The following ACYP2 variants were observed in gnomAD, a reference collection of about 807,000 sequenced individuals.
ACYP2 encodes the protein acylphosphatase 2.
In ACYP2, 12 loss-of-function variants were observed where a neutral mutation model predicts 11.2. The observed-to-expected ratio is 1.08, with a 90% CI of 0.69 to 1.74. The LOEUF is 1.74. ACYP2 is among the 40% of genes most tolerant of loss of function. The probability of loss-of-function intolerance (pLI) is 0.00; values close to 1 mark genes in which losing one functional copy is unlikely to be tolerated. For synonymous variants in ACYP2, 43 were observed against 32.2 expected (o/e 1.33, Z -1.13); for missense variants, 134 against 101.9 (o/e 1.31, Z -1.35).
chr2:54,304,758 A>G lies in ACYP2; in HGVS notation c.475A>G (p.Thr159Ala), dbSNP rs755141109. The G allele has an allele frequency of 1.9e-6, 3 of 1,611,872 alleles. No homozygotes were observed. Among genetic ancestry groups the G allele is most frequent in the Non-Finnish European group, 2.5e-6 (3 of 1,179,464 alleles). Residue 159 changes from threonine (T) to alanine (A), a missense_variant, in exon 7 of 7, where the codon ACC becomes GCC. Physicochemically the swap from Thr to Ala is moderately conservative, Grantham distance 58 (BLOSUM62 0). Transcript: ENST00000607452. ...CCGCACAAACTTTTCTAATGAAAAA[A>G]CCATCTCTAAGCTTGAATACTCTAA...
rs1453971498 is a variant in ACYP2, at chr2:54,051,540, TA to T, written c.155+494del. The T allele has an allele frequency of 1.2e-5, 9 of 734,284 alleles. No homozygotes were observed. In the Admixed American group the frequency reaches 1.5e-4, roughly 12 times the overall value. 45.5% of individuals were successfully genotyped at this position (734,284 alleles called of 1,614,324 possible). A position where few individuals can be genotyped will look rare whatever the true frequency, so the allele number is the denominator to read the frequency against. On this transcript the variant is annotated intron_variant, in intron 3 of 6. Coordinates refer to ENST00000607452, the MANE Select transcript of ACYP2 (RefSeq NM_001320586.2). ...TTCTGTTCTGAGAATTGCCCAAAAA[TA>T]AAAGGAGATCATCTTGGCCTGTCCA... is the stretch of plus-strand genomic sequence containing the variant.
At chr2:54,145,519 A>G (rs1223743206) in intron 6 of ACYP2, among the ~76,000 whole-genome samples, 3 of 152,002 alleles carry the variant, frequency 2.0e-5, no homozygotes, top group Non-Finnish European at 4.4e-5. Context: ...CACATACATG[A>G]ATAGAGAAAA....
At chr2:53,987,888 G>A (rs772154795) in intron 2 of ACYP2, among the ~76,000 whole-genome samples, 1 of 151,934 alleles carries the variant, frequency 6.6e-6, no homozygotes, top group Non-Finnish European at 1.5e-5. Flanking sequence ...TTTAACTGTT[G>A]AGTTTTGGGA....
intron 2 of ACYP2, among the ~76,000 whole-genome samples, chr2:54,041,652 T>A (rs901429347): frequency 1.3e-5 from 2 of 152,226 alleles, no homozygotes; most frequent in South Asian, 2.1e-4. Flanking sequence ...CAAAGGTTAT[T>A]GTTTATTCAA....
chr2:54,259,426 T>G (rs1687687548), intron 6 of ACYP2, among the ~76,000 whole-genome samples: 1 of 151,958 alleles, frequency 6.6e-6, no homozygotes, highest in South Asian at 2.1e-4. Context: ...TCCAAAAGTA[T>G]AAGGTCAAGA....
chr2:54,266,081 T>C (rs532201274), intron 6 of ACYP2, among the ~76,000 whole-genome samples: 106 of 152,318 alleles, frequency 7.0e-4, no homozygotes, highest in East Asian at 1.9e-3. Flanking sequence ...CTGACATAAG[T>C]AACTCTCTAA....
At chr2:54,238,521 T>C (rs1460460170) in intron 6 of ACYP2, among the ~76,000 whole-genome samples, 1 of 152,186 alleles carries the variant, frequency 6.6e-6, no homozygotes, top group Non-Finnish European at 1.5e-5. Flanking sequence ...TATTTTAATC[T>C]TTCGAATGTA....
chr2:54,041,305 A>G (rs1338319144), intron 2 of ACYP2, among the ~76,000 whole-genome samples: 1 of 152,116 alleles, frequency 6.6e-6, no homozygotes, highest in African/African-American at 2.4e-5. Flanking sequence ...AAGGAAGCCC[A>G]GAATATGGGC....
chr2:54,056,286 C>T (rs1031243119), intron 3 of ACYP2, among the ~76,000 whole-genome samples: 4 of 152,180 alleles, frequency 2.6e-5, no homozygotes, highest in East Asian at 1.9e-4. Flanking sequence ...TCACCATTCA[C>T]GGCCTGGTGA....
chr2:54,287,978 A>G (rs1343852923), intron 6 of ACYP2, among the ~76,000 whole-genome samples: 1 of 151,978 alleles, frequency 6.6e-6, no homozygotes, highest in Non-Finnish European at 1.5e-5. Flanking sequence ...CTTGGAGAAC[A>G]TAATGACCCT....
intron 6 of ACYP2, among the ~76,000 whole-genome samples, chr2:54,231,258 C>G (rs56042969): frequency 0.23 from 35,167 of 152,142 alleles, 4,273 homozygotes; most frequent in East Asian, 0.33. Context: ...GTGTCACAGG[C>G]TGTGGTCACT....
intron 6 of ACYP2, among the ~76,000 whole-genome samples, chr2:54,303,077 C>A (rs917970961): frequency 6.6e-6 from 1 of 152,090 alleles, no homozygotes; most frequent in Non-Finnish European, 1.5e-5. Flanking sequence ...AGTGCTTGGC[C>A]AGTCATGGTG....
rs142067401 is a variant in ACYP2, at chr2:54,104,478, T to C, written c.278-30975T>C. On this transcript the variant is annotated intron_variant, in intron 4 of 6. Transcript: ENST00000607452. Reference sequence around the variant, plus strand: ...AGCTCAAGTCCTTTTGTCACCTTTGTAAAGAACTTTTCCAGGTTTTGTTAA... The same window carrying C: ...AGCTCAAGTCCTTTTGTCACCTTTGCAAAGAACTTTTCCAGGTTTTGTTAA... Among the ~76,000 whole-genome samples the C allele has an allele frequency of 4.5e-3, 682 of 152,338 alleles. 9 individuals are homozygous for C. Among genetic ancestry groups the C allele is most frequent in the African/African-American group, 0.016 (648 of 41,582 alleles).
chr2:54,214,565 T>C (rs1012727011), intron 6 of ACYP2, among the ~76,000 whole-genome samples: 2 of 152,222 alleles, frequency 1.3e-5, no homozygotes, highest in African/African-American at 2.4e-5. Flanking sequence ...TGTGGCTTTA[T>C]TTCTGGGTTC....
Position 53,973,895 on chromosome 2 carries a change from GTGTGTGTA to G in ACYP2, c.62+87_62+94del, listed in dbSNP as rs1449134714. On this transcript the variant is annotated intron_variant, in intron 2 of 6. Transcript: ENST00000607452. ...TGTGTGTGTGTGTGTGTGTGTGTGTGTGTGTGTATATATTTTTTTTTTTTTTTTTTTTT... is the reference window on the plus strand; with the variant it reads ...TGTGTGTGTGTGTGTGTGTGTGTGTGTATATTTTTTTTTTTTTTTTTTTTT... 142 of 62,250 alleles carry G rather than the reference GTGTGTGTA, an allele frequency of 2.3e-3. 5 individuals are homozygous for G. The highest frequency in any genetic ancestry group is 7.5e-3 in the Middle Eastern group (1 of 134). The allele number at this position is 62,250 out of a possible 1,614,324, so 3.9% of individuals were successfully genotyped here.
chr2:54,241,572 A>G (rs1266674003), intron 6 of ACYP2, among the ~76,000 whole-genome samples: 1 of 151,948 alleles, frequency 6.6e-6, no homozygotes, highest in African/African-American at 2.4e-5. Context: ...TTTCTCCTCC[A>G]TGAGGTAGAG....
intron 6 of ACYP2, 97 bp downstream of exon 3, chr2:54,138,845 T>A: frequency 1.1e-6 from 1 of 942,758 alleles, no homozygotes; most frequent in Non-Finnish European, 1.6e-6. Context: ...CAGGTTGGAG[T>A]GCAGTGGCAC....
chr2:54,163,433 A>G (rs17045546), intron 6 of ACYP2, among the ~76,000 whole-genome samples: 25,624 of 152,222 alleles, frequency 0.17, 2,379 homozygotes, highest in East Asian at 0.42. Flanking sequence ...AGCAGTGGAC[A>G]CCCTTGAAAA....
At chr2:53,988,736 T>TTTTTG (rs1191488544) in intron 2 of ACYP2, among the ~76,000 whole-genome samples, 5 of 149,816 alleles carry the variant, frequency 3.3e-5, no homozygotes, top group South Asian at 2.1e-4. Context: ...CATAATTCAA[T>TTTTTG]TTTTGTTTTG....
Sources: gnomAD v4.1 joint callset for allele counts (sites outside exome capture counted in the v4.1 genomes callset) on GRCh38, gnomAD v4.1.1 for gene constraint, MANE v1.5 for transcripts, NCBI Gene and HGNC (gene_info 2026-07-23, HGNC 2026-07-21) for gene names.